The following FCHSD2 variants were observed in gnomAD, a reference collection of about 807,000 sequenced individuals.
FCHSD2 encodes the protein F-BAR and double SH3 domains protein 2.
FCHSD2 carries 38 observed loss-of-function variants against 108.1 expected under a neutral mutation model. The observed-to-expected ratio is 0.35, with a 90% confidence interval of 0.27 to 0.46. The LOEUF (loss-of-function observed/expected upper bound fraction) is 0.46, where lower values mean the gene tolerates loss of function less well. FCHSD2 is among the 20% of genes least tolerant of loss of function. The pLI, the probability that FCHSD2 is intolerant of heterozygous loss-of-function variation, is 1.00. For missense variants in FCHSD2, 751 were observed against 897.8 expected (o/e 0.84, Z 2.09); for synonymous variants, 279 against 314.7 (o/e 0.89, Z 1.20).
chr11:72,863,170 A>T (rs988662596), intron 13 of FCHSD2, among the ~76,000 whole-genome samples: 1 of 151,934 alleles, frequency 6.6e-6, no homozygotes, highest in African/African-American at 2.4e-5. Context: ...GCCAGAAGTG[A>T]TCCTCCCACT....
intron 2 of FCHSD2, among the ~76,000 whole-genome samples, chr11:73,121,639 C>A: frequency 6.7e-6 from 1 of 149,040 alleles, no homozygotes; most frequent in Non-Finnish European, 1.5e-5. Flanking sequence ...AACAAAGAAT[C>A]AGTAATTGTT....
chr11:73,047,373 GA>G (rs1230392800), intron 3 of FCHSD2, among the ~76,000 whole-genome samples: 1 of 151,738 alleles, frequency 6.6e-6, no homozygotes, highest in East Asian at 1.9e-4. Context: ...AAGGTTATAA[GA>G]AAAAAATATG....
intron 3 of FCHSD2, among the ~76,000 whole-genome samples, chr11:73,038,948 C>T (rs1041208449): frequency 6.6e-6 from 1 of 152,082 alleles, no homozygotes; most frequent in South Asian, 2.1e-4. Context: ...ATTTTTTTGG[C>T]TTGACTTCTG....
At chr11:72,859,993 C>T (rs944064899) in intron 13 of FCHSD2, among the ~76,000 whole-genome samples, 12 of 152,140 alleles carry the variant, frequency 7.9e-5, no homozygotes, top group African/African-American at 2.7e-4. Flanking sequence ...CTTGGGGTAC[C>T]ATGAGGGAAG....
At chr11:73,084,685 T>C (rs1859773616) in intron 2 of FCHSD2, among the ~76,000 whole-genome samples, 1 of 152,258 alleles carries the variant, frequency 6.6e-6, no homozygotes, top group South Asian at 2.1e-4. Flanking sequence ...TGGGCCAACG[T>C]GCTTAGCCAG....
intron 3 of FCHSD2, among the ~76,000 whole-genome samples, chr11:73,082,902 A>G (rs1476633903): frequency 6.6e-6 from 1 of 152,184 alleles, no homozygotes; most frequent in Non-Finnish European, 1.5e-5. Context: ...ATACATCAAC[A>G]TAATTTTTTC....
intron 3 of FCHSD2, among the ~76,000 whole-genome samples, chr11:73,031,379 G>A (rs1858356444): frequency 1.3e-5 from 2 of 151,988 alleles, no homozygotes; most frequent in Admixed American, 1.3e-4. Flanking sequence ...GGGAGGCTGA[G>A]GTGGGAGGAT....
Position 72,946,591 on chromosome 11 carries a change from A to G in FCHSD2, c.706-24641T>C, listed in dbSNP as rs1856525157. Among the ~76,000 whole-genome samples the G allele has an allele frequency of 2.6e-5, 4 of 152,174 alleles. No homozygotes were observed. The South Asian group carries it at 8.3e-4, about 32-fold the overall frequency. On this transcript the variant is annotated intron_variant, in intron 8 of 19. Transcript: ENST00000409418. ...ACATGGTCAATAATTACAATGCTCAAAATGTCAATACCTGCCAATATCCTC... is the reference window on the plus strand; with the variant it reads ...ACATGGTCAATAATTACAATGCTCAGAATGTCAATACCTGCCAATATCCTC...
At chr11:72,957,951 A>T (rs1413664807) in intron 8 of FCHSD2, among the ~76,000 whole-genome samples, 1 of 152,214 alleles carries the variant, frequency 6.6e-6, no homozygotes, top group African/African-American at 2.4e-5. Flanking sequence ...AAATTATTTT[A>T]AAAAGTTAAC....
chr11:73,132,485 CTT>C (rs374234294), intron 2 of FCHSD2, among the ~76,000 whole-genome samples: 49 of 152,172 alleles, frequency 3.2e-4, no homozygotes, highest in African/African-American at 1.1e-3. Flanking sequence ...CTTCAAAGCT[CTT>C]GTTTCCATTA....
intron 5 of FCHSD2, 150 bp downstream of exon 5, chr11:73,000,840 A>G (rs941650842): frequency 1.6e-6 from 1 of 640,468 alleles, no homozygotes; most frequent in Non-Finnish European, 2.6e-6. Context: ...ACTTAATGAG[A>G]ACATGTTGAA....
chr11:73,090,707 T>C (rs542853495), intron 2 of FCHSD2, among the ~76,000 whole-genome samples: 23 of 152,344 alleles, frequency 1.5e-4, no homozygotes, highest in African/African-American at 5.1e-4. Flanking sequence ...TTTTACTACA[T>C]TCCTGTTTGT....
intron 8 of FCHSD2, among the ~76,000 whole-genome samples, chr11:72,954,425 CA>C (rs576660667): frequency 6.7e-4 from 102 of 151,890 alleles, no homozygotes; most frequent in Admixed American, 1.6e-3. Context: ...AGGATGATCA[CA>C]AACTCCTGGG....
chr11:72,914,421 C>A (rs1418756600), intron 9 of FCHSD2, among the ~76,000 whole-genome samples: 1 of 152,164 alleles, frequency 6.6e-6, no homozygotes, highest in Non-Finnish European at 1.5e-5. Context: ...CCAAAAGATT[C>A]TGAATAGCCA....
intron 8 of FCHSD2, among the ~76,000 whole-genome samples, chr11:72,983,504 A>G (rs868332902): frequency 6.6e-6 from 1 of 152,112 alleles, no homozygotes; most frequent in Non-Finnish European, 1.5e-5. Flanking sequence ...CATAATTATC[A>G]TTAGACATAG....
intron 3 of FCHSD2, among the ~76,000 whole-genome samples, chr11:73,016,505 A>T (rs1857978787): frequency 6.6e-6 from 1 of 152,212 alleles, no homozygotes; most frequent in Non-Finnish European, 1.5e-5. Flanking sequence ...CTATTTGACT[A>T]GCCATAAAAA....
intron 3 of FCHSD2, among the ~76,000 whole-genome samples, chr11:73,071,429 C>T (rs1982585): frequency 0.43 from 65,630 of 151,566 alleles, 15,045 homozygotes; most frequent in South Asian, 0.64. Flanking sequence ...CAGTGGCTCA[C>T]GCCTGTAATC....
chr11:73,060,972 A>T (rs1196747370), intron 3 of FCHSD2, among the ~76,000 whole-genome samples: 2 of 152,242 alleles, frequency 1.3e-5, no homozygotes, highest in African/African-American at 4.8e-5. Flanking sequence ...GAACTTATAT[A>T]GAACTGTTGA....
chr11:72,942,705 G>A (rs1423938135), intron 8 of FCHSD2, among the ~76,000 whole-genome samples: 1 of 152,162 alleles, frequency 6.6e-6, no homozygotes, highest in Non-Finnish European at 1.5e-5. Flanking sequence ...ACATGCTATA[G>A]AATGTTATGG....
Sources: gnomAD v4.1 joint callset for allele counts (sites outside exome capture counted in the v4.1 genomes callset) on GRCh38, gnomAD v4.1.1 for gene constraint, MANE v1.5 for transcripts, NCBI Gene and HGNC (gene_info 2026-07-23, HGNC 2026-07-21) for gene names.